Variants in GBE1 observed in about 807,000 individuals in gnomAD.
GBE1 encodes 1,4-alpha-glucan branching enzyme 1.
GBE1 carries 70 observed loss-of-function variants against 88.8 expected under a neutral mutation model. That is an observed-to-expected ratio of 0.79 (90% CI 0.65 to 0.96). GBE1 has a LOEUF of 0.96. Ranked by LOEUF, GBE1 falls within the 40% of genes least tolerant of loss-of-function variation. GBE1 has a pLI of 0.00. For synonymous variants in GBE1, 284 were observed against 300.1 expected, an observed-to-expected ratio of 0.95 and a Z score of 0.56; for missense variants, 872 against 871.0, an observed-to-expected ratio of 1.00 and a Z score of -0.01.
chr3:81,748,084 C>T (rs1706443156), intron 1 of GBE1, among the ~76,000 whole-genome samples: 1 of 152,116 alleles, frequency 6.6e-6, no homozygotes, highest in African/African-American at 2.4e-5. Flanking sequence ...CACGCCACTG[C>T]ACTCCAGCCT....
At position 81,591,545 on chromosome 3, in the gene GBE1, G is replaced by GT. The variant is rs551572017; in HGVS notation, c.1109-382dup. Among the ~76,000 whole-genome samples, 30 of 152,082 alleles carry GT rather than the reference G, an allele frequency of 2.0e-4. 1 individual carries two copies. Among genetic ancestry groups the GT allele is most frequent in the Middle Eastern group, 3.4e-3 (1 of 294 alleles). On this transcript the variant is annotated intron_variant, in intron 8 of 15. Transcript: ENST00000429644. ...TTAGTTTGTATTAGATCCCTCTGAG[G>GT]TAAGGAAAAGAAAATAGGAAAACCA...
At chr3:81,535,707 A>C (rs1703066075) in intron 13 of GBE1, among the ~76,000 whole-genome samples, 1 of 152,110 alleles carries the variant, frequency 6.6e-6, no homozygotes, top group Non-Finnish European at 1.5e-5. Context: ...GCGGTTAGGT[A>C]CATAAAATTA....
chr3:81,637,450 C>G (rs1219678759), intron 7 of GBE1, among the ~76,000 whole-genome samples: 1 of 152,070 alleles, frequency 6.6e-6, no homozygotes, highest in Non-Finnish European at 1.5e-5. Context: ...TTAAGTCTAT[C>G]TCTCCAAAAT....
At chr3:81,620,213 C>G (rs984968838) in intron 7 of GBE1, among the ~76,000 whole-genome samples, 2 of 148,206 alleles carry the variant, frequency 1.3e-5, no homozygotes, top group Non-Finnish European at 3.0e-5. Context: ...GATGGAGTCT[C>G]GCACTGTCAT....
At chr3:81,672,218 G>A (rs942866143) in intron 2 of GBE1, among the ~76,000 whole-genome samples, 3 of 151,948 alleles carry the variant, frequency 2.0e-5, no homozygotes, top group Admixed American at 6.6e-5. Flanking sequence ...TATGTGATGC[G>A]AAATTGAAGA....
intron 7 of GBE1, among the ~76,000 whole-genome samples, chr3:81,617,425 G>C (rs534889248): frequency 6.6e-6 from 1 of 151,778 alleles, no homozygotes; most frequent in East Asian, 1.9e-4. Context: ...CTATTACTCT[G>C]AGCCATTTTA....
At chr3:81,631,408 G>A (rs560807800) in intron 7 of GBE1, among the ~76,000 whole-genome samples, 5 of 151,936 alleles carry the variant, frequency 3.3e-5, no homozygotes, top group South Asian at 2.1e-4. Context: ...ACAGTAGACC[G>A]GTAACTTTAA....
chr3:81,620,259 T>C (rs1474594358), intron 7 of GBE1, among the ~76,000 whole-genome samples: 2 of 151,486 alleles, frequency 1.3e-5, no homozygotes, highest in African/African-American at 2.4e-5. Context: ...CTCTGCCCAC[T>C]GCACCCTCCA....
intron 1 of GBE1, among the ~76,000 whole-genome samples, chr3:81,748,696 A>G (rs1189737898): frequency 6.6e-6 from 1 of 151,976 alleles, no homozygotes; most frequent in East Asian, 1.9e-4. Flanking sequence ...GTGGAATGCA[A>G]ACTTGTACAG....
At chr3:81,535,411 G>A in intron 13 of GBE1, 86 bp from the exon 14 acceptor site, 1 of 1,331,246 alleles carries the variant, frequency 7.5e-7, no homozygotes, top group Non-Finnish European at 1.0e-6. Flanking sequence ...TTAATAGTCT[G>A]GTTATTAAAC....
At chr3:81,560,787 C>T (rs570884583) in intron 12 of GBE1, among the ~76,000 whole-genome samples, 1 of 152,010 alleles carries the variant, frequency 6.6e-6, no homozygotes, top group Non-Finnish European at 1.5e-5. Context: ...TTCTCTTATG[C>T]TATAAAATTC....
At chr3:81,623,348 C>A (rs1704359093) in intron 7 of GBE1, among the ~76,000 whole-genome samples, 1 of 152,206 alleles carries the variant, frequency 6.6e-6, no homozygotes, top group Non-Finnish European at 1.5e-5. Flanking sequence ...TCATTCAGGT[C>A]TCTGCTTAAA....
intron 1 of GBE1, among the ~76,000 whole-genome samples, chr3:81,719,717 A>C (rs774342565): frequency 6.6e-6 from 1 of 152,228 alleles, no homozygotes; most frequent in Non-Finnish European, 1.5e-5. Context: ...TTGAAACTAT[A>C]TATCAGAGAT....
rs763614223 is a variant in GBE1, at chr3:81,535,182, A to G, written c.1934+13T>C. 1 of 1,606,638 alleles carries G rather than the reference A, an allele frequency of 6.2e-7. No homozygotes were observed. Among genetic ancestry groups the G allele is most frequent in the East Asian group, 2.2e-5 (1 of 44,626 alleles). ...ATGTGGACAGTCATATTCACTGGTA[A>G]CAAAAAGGATATTTCCCTGGCAATG... On this transcript the variant is annotated intron_variant, in intron 14 of 15. Transcript: ENST00000429644.
intron 15 of GBE1, among the ~76,000 whole-genome samples, chr3:81,497,532 T>C (rs7616817): frequency 0.29 from 44,624 of 152,042 alleles, 6,760 homozygotes; most frequent in East Asian, 0.43. Flanking sequence ...GTTAAATTAA[T>C]CAATTTCTCA....
intron 14 of GBE1, among the ~76,000 whole-genome samples, chr3:81,529,361 C>T (rs913760991): frequency 1.3e-5 from 2 of 151,880 alleles, no homozygotes; most frequent in African/African-American, 4.8e-5. Flanking sequence ...ACAGTTGAGG[C>T]CTTATCATAT....
rs906051326 is a variant in GBE1, at chr3:81,733,053, T to A, written c.144-27440A>T. 6.6e-6 allele frequency among the ~76,000 whole-genome samples: 1 copy of A among 152,112 alleles called. No homozygotes were observed. The highest frequency in any genetic ancestry group is 6.6e-5 in the Admixed American group (1 of 15,262). On this transcript the variant is annotated intron_variant, in intron 1 of 15. Coordinates refer to ENST00000429644, the MANE Select transcript of GBE1 (RefSeq NM_000158.4). The surrounding 1 kb of genome is among the most constrained non-coding windows in gnomAD (Gnocchi z 4.0). The stretch of plus-strand genomic sequence containing the variant: ...ATTGTGTCGCACAGCAGGAGGTGAA[T>A]GGCAAAAATAAACACAAAGAAGCTT...
intron 12 of GBE1, among the ~76,000 whole-genome samples, chr3:81,568,127 T>C (rs1703521213): frequency 6.6e-6 from 1 of 152,280 alleles, no homozygotes; most frequent in East Asian, 1.9e-4. Context: ...TTTAAAGATC[T>C]AGCTTACAGC....
intron 14 of GBE1, among the ~76,000 whole-genome samples, chr3:81,509,313 T>G (rs1473637309): frequency 2.9e-5 from 4 of 139,880 alleles, no homozygotes; most frequent in Non-Finnish European, 6.4e-5. Context: ...TTTTTTTTTA[T>G]AAAAAAGAAG....
Sources: allele counts gnomAD v4.1 joint callset (sites outside exome capture counted in the v4.1 genomes callset), GRCh38; gene constraint gnomAD v4.1.1; non-coding constraint Gnocchi (gnomAD v3.1); transcripts MANE v1.5; gene names NCBI Gene and HGNC (gene_info 2026-07-23, HGNC 2026-07-21).